Variants in KIF16B observed in about 807,000 individuals in gnomAD.
KIF16B encodes kinesin family member 16B, also known as kinesin-like protein KIF16B.
Under a neutral mutation model 156.3 loss-of-function variants are expected in KIF16B, and 98 were observed. The observed-to-expected ratio is 0.63, with a 90% CI of 0.53 to 0.74. KIF16B has a LOEUF of 0.74. Among genes scored for constraint, KIF16B ranks in the 30% least tolerant of loss-of-function variants. The pLI is 0.00. For missense variants in KIF16B, 1,421 were observed against 1,606.5 expected (o/e 0.88, Z 1.97); for synonymous variants, 564 against 583.7 (o/e 0.97, Z 0.49).
Position 16,427,181 on chromosome 20 carries a change from A to G in KIF16B, c.1535T>C (p.Val512Ala). ...HCIFENIGGT[V>A]TLIPLSGSQC... ...GGACCCACTCAGGGGTATCAGAGTC[A>G]CTGTCCCCCCGATATTTTCAAAGAT... The change falls in exon 15 of 26, where the codon GTG (valine) becomes GCG (alanine). Residue 512 changes from valine to alanine, a missense_variant. Coordinates refer to ENST00000354981, the MANE Select transcript of KIF16B (RefSeq NM_024704.5). 6.2e-7 allele frequency: 1 copy of G among 1,612,844 alleles called. No homozygotes were observed.
chr20:16,295,418 T>C (rs1369954269), intron 25 of KIF16B, among the ~76,000 whole-genome samples: 9 of 151,878 alleles, frequency 5.9e-5, no homozygotes, highest in Non-Finnish European at 1.3e-4. Context: ...ATATCTATAA[T>C]TGATATCTAT....
At chr20:16,371,881 A>T in intron 20 of KIF16B, 120 bp from the exon 21 acceptor site, 1 of 649,530 alleles carries the variant, frequency 1.5e-6, no homozygotes, top group Non-Finnish European at 2.8e-6. Flanking sequence ...ACCAAACCTA[A>T]CAACAACTTG....
At position 16,507,949 on chromosome 20, in the gene KIF16B, A is replaced by C. The variant is rs773210043; in HGVS notation, c.699+9T>G. Reference sequence around the variant, plus strand: ...GGATGGAGCCAGCTGGTCCCGCAGCAGCCCTTACCTGAGTGAACTTGATGG... The same window carrying C: ...GGATGGAGCCAGCTGGTCCCGCAGCCGCCCTTACCTGAGTGAACTTGATGG... On this transcript the variant is annotated intron_variant, in intron 7 of 25. Transcript: ENST00000354981. 5.6e-6 allele frequency: 9 copies of C among 1,614,052 alleles called. No homozygotes were observed. In the South Asian group the frequency reaches 8.8e-5, roughly 16 times the overall value.
At position 16,465,535 on chromosome 20, in the gene KIF16B, C is replaced by T. The variant is rs546489395; in HGVS notation, c.1302+28756G>A. Among the ~76,000 whole-genome samples the T allele has an allele frequency of 3.7e-4, 57 of 152,314 alleles. No individual in the cohort carries two copies. The South Asian group carries it at 0.011, about 29-fold the overall frequency. The stretch of plus-strand genomic sequence containing the variant: ...ATTTTAAAGCATGTGGCTATATCCA[C>T]GCACATTCCTACATAAATACACACA... On this transcript the variant is annotated intron_variant, in intron 12 of 25. Transcript: ENST00000354981.
At chr20:16,453,485 C>T (rs2067138224) in intron 12 of KIF16B, among the ~76,000 whole-genome samples, 1 of 151,902 alleles carries the variant, frequency 6.6e-6, no homozygotes, top group African/African-American at 2.4e-5. Flanking sequence ...GATTCACATC[C>T]ACACACATAC....
intron 23 of KIF16B, among the ~76,000 whole-genome samples, chr20:16,346,575 G>T (rs2064238454): frequency 6.6e-6 from 1 of 152,182 alleles, no homozygotes; most frequent in African/African-American, 2.4e-5. Context: ...CTTTCAGGCT[G>T]GCCCAAATCC....
At chr20:16,512,394 C>T (rs1228393354) in intron 5 of KIF16B, among the ~76,000 whole-genome samples, 4 of 152,116 alleles carry the variant, frequency 2.6e-5, no homozygotes, top group African/African-American at 7.2e-5. Context: ...GACTGGCTCC[C>T]CTCACAGGTT....
chr20:16,287,389 C>G (rs2063238949), intron 25 of KIF16B, among the ~76,000 whole-genome samples: 1 of 152,056 alleles, frequency 6.6e-6, no homozygotes, highest in Non-Finnish European at 1.5e-5. Context: ...GCATTTATTT[C>G]TTGATGTTAT....
chr20:16,396,000 C>T (rs968429326), intron 17 of KIF16B, among the ~76,000 whole-genome samples: 10 of 152,094 alleles, frequency 6.6e-5, no homozygotes, highest in Non-Finnish European at 1.0e-4. Flanking sequence ...ACTTCCTCCC[C>T]GCTGAGGAAT....
intron 24 of KIF16B, among the ~76,000 whole-genome samples, chr20:16,316,236 G>A (rs1336652290): frequency 6.6e-6 from 1 of 152,136 alleles, no homozygotes; most frequent in African/African-American, 2.4e-5. Flanking sequence ...CATCAGCTGC[G>A]TTATCTGCCA....
chr20:16,358,112 C>T (rs944258702), intron 22 of KIF16B, among the ~76,000 whole-genome samples: 25 of 152,114 alleles, frequency 1.6e-4, no homozygotes, highest in African/African-American at 5.8e-4. Flanking sequence ...TCACTCGAAC[C>T]CGGGAGGCAG....
chr20:16,379,603 G>A lies in KIF16B; in HGVS notation c.2399C>T (p.Ser800Phe). 6.2e-7 allele frequency: 1 copy of A among 1,614,002 alleles called. No homozygotes were observed. The highest frequency in any genetic ancestry group is 1.1e-5 in the South Asian group (1 of 91,066). The change falls in exon 19 of 26, where the codon TCC becomes TTC. Residue 800 changes from serine (S) to phenylalanine (F), a missense_variant. Physicochemically the swap from Ser to Phe is radical, Grantham distance 155. Coordinates refer to ENST00000354981, the MANE Select transcript of KIF16B (RefSeq NM_024704.5). Reference protein sequence around the residue: ...EKRDLEGIRESLLRVKEARAG... With the variant: ...EKRDLEGIREFLLRVKEARAG... ...ACGAGCCTCCTTCACCCGCAGGAGG[G>A]ATTCCCGAATGCCTTCCAGGTCCCT...
intron 23 of KIF16B, among the ~76,000 whole-genome samples, chr20:16,352,377 T>A (rs2123115809): frequency 6.6e-6 from 1 of 152,300 alleles, no homozygotes; most frequent in Non-Finnish European, 1.5e-5. Context: ...TGCCCCCAAA[T>A]AAAGCAGGTA....
At chr20:16,565,525 AAAT>A (rs1284225613) in intron 1 of KIF16B, among the ~76,000 whole-genome samples, 1 of 152,198 alleles carries the variant, frequency 6.6e-6, no homozygotes, top group African/African-American at 2.4e-5. Context: ...TTAAAGAGGA[AAAT>A]CAACTTGCCC....
At chr20:16,542,375 G>A (rs1056108496) in intron 1 of KIF16B, among the ~76,000 whole-genome samples, 1 of 152,048 alleles carries the variant, frequency 6.6e-6, no homozygotes, top group Non-Finnish European at 1.5e-5. Context: ...CCTCAGTGCA[G>A]GAATAAAATG....
At position 16,543,572 on chromosome 20, in the gene KIF16B, C is replaced by A. The variant is rs116969333; in HGVS notation, c.48-15132G>T. 2.4e-3 allele frequency among the ~76,000 whole-genome samples: 358 copies of A among 152,278 alleles called. 2 individuals carry two copies. Among genetic ancestry groups the A allele is most frequent in the Non-Finnish European group, 3.6e-3 (242 of 68,030 alleles). On this transcript the variant is annotated intron_variant, in intron 1 of 25. Transcript: ENST00000354981. ...GAACCCTGGTTCTAGTTGAGAAAAT[C>A]TGGTGGACAACTGAAAAATTTCATA...
At chr20:16,349,518 C>A (rs2064295138) in intron 23 of KIF16B, among the ~76,000 whole-genome samples, 1 of 152,204 alleles carries the variant, frequency 6.6e-6, no homozygotes, top group African/African-American at 2.4e-5. Flanking sequence ...CTAGTTCCTG[C>A]TTTTACTGAC....
intron 10 of KIF16B, among the ~76,000 whole-genome samples, chr20:16,503,753 G>C (rs550849706): frequency 6.6e-6 from 1 of 152,214 alleles, no homozygotes; most frequent in Non-Finnish European, 1.5e-5. Flanking sequence ...ATGTAACTCT[G>C]TACATACACC....
At position 16,402,391 on chromosome 20, in the gene KIF16B, C is replaced by G. The variant is rs184275536; in HGVS notation, c.1784+2422G>C. Among the ~76,000 whole-genome samples, 22 of 152,310 alleles carry G rather than the reference C, an allele frequency of 1.4e-4. No homozygotes were observed. The East Asian group carries it at 3.9e-3, about 27-fold the overall frequency. ...TCAGGATTACTGGCAATGGTGCCCC[C>G]GTCCTAGAATCCTGACTGGTTCATA... On this transcript the variant is annotated intron_variant, in intron 17 of 25. Coordinates refer to ENST00000354981, the MANE Select transcript of KIF16B (RefSeq NM_024704.5).
Sources: allele counts gnomAD v4.1 joint callset (sites outside exome capture counted in the v4.1 genomes callset), GRCh38; gene constraint gnomAD v4.1.1; transcripts MANE v1.5; gene names NCBI Gene and HGNC (gene_info 2026-07-23, HGNC 2026-07-21).